SLC2A9: variants seen among roughly 807,000 people sequenced by gnomAD.
SLC2A9 encodes the protein solute carrier family 2 member 9, also known as solute carrier family 2, facilitated glucose transporter member 9.
A neutral mutation model predicts 50.6 loss-of-function variants in SLC2A9; 39 were observed. The observed-to-expected ratio is 0.77, with a 90% CI of 0.60 to 1.01. The LOEUF (loss-of-function observed/expected upper bound fraction) is 1.01, where lower values mean the gene tolerates loss of function less well. Ranked by LOEUF, SLC2A9 falls within the 50% of genes least tolerant of loss-of-function variation. The pLI, the probability that SLC2A9 is intolerant of heterozygous loss-of-function variation, is 0.00. For synonymous variants in SLC2A9, 324 were observed against 276.9 expected (o/e 1.17, Z -1.69); for missense variants, 686 against 677.6 (o/e 1.01, Z -0.14).
chr4:9,919,094 A>G (rs1022371600), intron 7 of SLC2A9, among the ~76,000 whole-genome samples: 6 of 152,266 alleles, frequency 3.9e-5, no homozygotes, highest in Middle Eastern at 3.4e-3. Context: ...CAGGTTCCAT[A>G]TTCGGTCTTT....
intron 3 of SLC2A9, among the ~76,000 whole-genome samples, chr4:9,990,734 C>T (rs1757557603): frequency 6.6e-6 from 1 of 152,156 alleles, no homozygotes. Flanking sequence ...CACTTTGGAA[C>T]CCTGCCGTCC....
At chr4:9,839,637 A>G (rs998413719) in intron 10 of SLC2A9, among the ~76,000 whole-genome samples, 26 of 152,232 alleles carry the variant, frequency 1.7e-4, no homozygotes, top group African/African-American at 5.1e-4. Flanking sequence ...ATGGAATACT[A>G]TGCAGCCATA....
In SLC2A9 at chr4:10,007,655, T is replaced by C. The variant is rs6818293; in HGVS notation, c.250-10714A>G. On this transcript the variant is annotated intron_variant, in intron 2 of 11. Transcript: ENST00000264784. ...CCTTCCTCCTGCTGGAACATTCTTTTGAGAGGTTGCATAGCTGTGTTTACA... is the reference window on the plus strand; with the variant it reads ...CCTTCCTCCTGCTGGAACATTCTTTCGAGAGGTTGCATAGCTGTGTTTACA... 3.5e-3 allele frequency among the ~76,000 whole-genome samples: 534 copies of C among 152,352 alleles called. 5 individuals are homozygous for C. The highest frequency in any genetic ancestry group is 0.012 in the African/African-American group (485 of 41,586).
intron 10 of SLC2A9, among the ~76,000 whole-genome samples, chr4:9,865,934 G>A (rs922436687): frequency 2.6e-5 from 4 of 152,348 alleles, no homozygotes; most frequent in Non-Finnish European, 4.4e-5. Flanking sequence ...GCATTTCAAA[G>A]CATATGGCTC....
At chr4:9,885,626 G>A (rs139906968) in intron 10 of SLC2A9, among the ~76,000 whole-genome samples, 2 of 152,200 alleles carry the variant, frequency 1.3e-5, no homozygotes, top group African/African-American at 4.8e-5. Flanking sequence ...ACAAGTACTT[G>A]TGGAGCCTTA....
intron 2 of SLC2A9, among the ~76,000 whole-genome samples, chr4:10,011,990 T>C (rs1336517318): frequency 6.6e-6 from 1 of 152,230 alleles, no homozygotes; most frequent in African/African-American, 2.4e-5. Context: ...AGGGAAACCC[T>C]AGACCACCAT....
intron 3 of SLC2A9, among the ~76,000 whole-genome samples, chr4:9,792,194 G>A (rs910160998): frequency 7.1e-6 from 1 of 140,488 alleles, no homozygotes; most frequent in East Asian, 2.0e-4. Context: ...TTTGTGGCAG[G>A]GAGACAGGGT....
intron 8 of SLC2A9, among the ~76,000 whole-genome samples, chr4:9,896,370 C>T (rs1738561081): frequency 6.6e-6 from 1 of 152,146 alleles, no homozygotes; most frequent in South Asian, 2.1e-4. Context: ...TGTTGAAGAT[C>T]TTTTCATGTG....
intron 3 of SLC2A9, among the ~76,000 whole-genome samples, chr4:9,791,381 C>T (rs1160522766): frequency 6.6e-6 from 1 of 152,206 alleles, no homozygotes. Context: ...TCTAGTTTCA[C>T]AGGCTCTCAG....
intron 10 of SLC2A9, among the ~76,000 whole-genome samples, chr4:9,836,495 C>T (rs1404387281): frequency 1.3e-5 from 2 of 151,794 alleles, no homozygotes; most frequent in South Asian, 2.1e-4. Flanking sequence ...AAGATCATGC[C>T]GAGTGGAGGG....
intron 10 of SLC2A9, among the ~76,000 whole-genome samples, chr4:9,838,331 A>G (rs1015435712): frequency 2.6e-5 from 4 of 152,176 alleles, no homozygotes; most frequent in African/African-American, 9.7e-5. Flanking sequence ...CTACAAGGAG[A>G]ACTACAAACC....
At chr4:9,787,108 T>G (rs888694319) in intron 3 of SLC2A9, among the ~76,000 whole-genome samples, 16 of 152,230 alleles carry the variant, frequency 1.1e-4, no homozygotes, top group African/African-American at 3.9e-4. Context: ...GAGCTCCAGC[T>G]TCTTTATCTG....
chr4:9,814,347 T>C (rs1324920234), intron 3 of SLC2A9, among the ~76,000 whole-genome samples: 2 of 152,230 alleles, frequency 1.3e-5, no homozygotes, highest in African/African-American at 4.8e-5. Flanking sequence ...AAAAAACGTC[T>C]GGTAGATGAA....
downstream of SLC2A9, among the ~76,000 whole-genome samples, chr4:9,822,737 T>A (rs960579207): frequency 2.0e-5 from 3 of 152,214 alleles, no homozygotes; most frequent in African/African-American, 7.2e-5. Flanking sequence ...TGCAAATCAT[T>A]TTCCACTCTG....
At chr4:10,004,958 G>T (rs867545183) in intron 2 of SLC2A9, among the ~76,000 whole-genome samples, 1 of 152,158 alleles carries the variant, frequency 6.6e-6, no homozygotes, top group African/African-American at 2.4e-5. Context: ...TATCTTACTT[G>T]GGATTCCTTG....
At chr4:9,857,694 G>A (rs1168998847) in intron 10 of SLC2A9, among the ~76,000 whole-genome samples, 2 of 152,186 alleles carry the variant, frequency 1.3e-5, no homozygotes, top group East Asian at 3.9e-4. Context: ...TCACACTGCA[G>A]GTGCCCACAG....
intron 5 of SLC2A9, among the ~76,000 whole-genome samples, chr4:9,969,914 T>C (rs1753623356): frequency 6.6e-6 from 1 of 152,212 alleles, no homozygotes. Context: ...CCAAACCATA[T>C]CACCTCTCAT....
rs148909732 is a variant in SLC2A9 at position 9,774,432 on chromosome 4, C to G, written n.182-3063G>C. On this transcript the variant is annotated intron_variant and non_coding_transcript_variant, in intron 1 of 1. Coordinates refer to the SLC2A9 transcript ENST00000508585. ...CCTCTGTTAGGGTCGTGCTTCCACC[C>G]TGCATGCTGGTGAATTCCACTTTGC... is the stretch of plus-strand genomic sequence containing the variant. Among the ~76,000 whole-genome samples, 428 of 152,338 alleles carry G rather than the reference C, an allele frequency of 2.8e-3. 5 individuals carry two copies. The highest frequency in any genetic ancestry group is 9.8e-3 in the African/African-American group (409 of 41,580).
At chr4:9,830,281 C>A (rs11729337) in intron 11 of SLC2A9, among the ~76,000 whole-genome samples, 1 of 152,190 alleles carries the variant, frequency 6.6e-6, no homozygotes, top group East Asian at 1.9e-4. Context: ...CCAAACACTG[C>A]ATGTTCTCAC....
Sources: gnomAD v4.1 joint callset for allele counts (sites outside exome capture counted in the v4.1 genomes callset) on GRCh38, gnomAD v4.1.1 for gene constraint, MANE v1.5 for transcripts, NCBI Gene and HGNC (gene_info 2026-07-23, HGNC 2026-07-21) for gene names.